Variants in TFF1 observed in about 807,000 individuals in gnomAD.
TFF1 encodes the protein breast cancer estrogen-inducible protein.
TFF1 carries 8 observed loss-of-function variants against 7.7 expected under a neutral mutation model. That is an observed-to-expected ratio of 1.04 (90% CI 0.61 to 1.87). The LOEUF (loss-of-function observed/expected upper bound fraction) is 1.87. Among genes scored for constraint, TFF1 ranks in the 40% most tolerant of loss-of-function variants. The probability of loss-of-function intolerance (pLI) is 0.00; values close to 1 mark genes in which losing one functional copy is unlikely to be tolerated. For synonymous variants in TFF1, 47 were observed against 44.8 expected, an observed-to-expected ratio of 1.05 and a Z score of -0.19; for missense variants, 120 against 113.4, an observed-to-expected ratio of 1.06 and a Z score of -0.26.
In TFF1 at chr21:42,366,424, G is replaced by A. The variant is rs146367440; in HGVS notation, c.72C>T (p.Ala24=). 226 of 1,611,392 alleles carry A rather than the reference G, an allele frequency of 1.4e-4. 5 individuals carry two copies. In the East Asian group the frequency reaches 1.7e-3, roughly 12 times the overall value. Reference sequence around the variant, plus strand: ...AGCACGCCTTACCTGTCTGGGCCTCGGCCAGGGTGCCGAGGGCCAGCATGG... The same window carrying A: ...AGCACGCCTTACCTGTCTGGGCCTCAGCCAGGGTGCCGAGGGCCAGCATGG... ...LVSMLALGTL[A]EAQTETCTVA... is the part of the protein sequence containing the mutation. The change falls in exon 1 of 3, where the codon GCC becomes GCT. Residue 24 remains alanine, a synonymous_variant. Transcript: ENST00000291527.
chr21:42,363,968 A>G (rs576908677), intron 1 of TFF1, among the ~76,000 whole-genome samples: 8 of 152,218 alleles, frequency 5.3e-5, no homozygotes, highest in Admixed American at 3.9e-4. Flanking sequence ...TTAGGCGGGC[A>G]TTGTGGCACA....
chr21:42,363,558 G>A lies in TFF1; in HGVS notation c.86-151C>T, dbSNP rs73370376. The A allele has an allele frequency of 2.3e-3, 2,358 of 1,012,366 alleles. 44 individuals are homozygous for A. The African/African-American group carries it at 0.033, about 14-fold the overall frequency. The allele number at this position is 1,012,366 out of a possible 1,614,324, so 62.7% of individuals were successfully genotyped here. On this transcript the variant is annotated intron_variant, in intron 1 of 2. Coordinates refer to ENST00000291527, the MANE Select transcript of TFF1 (RefSeq NM_003225.3). Reference sequence around the variant, plus strand: ...CCCTCAGGACATGAGAGGGAGACGTGGTCCTCACATCCTGATGTGCAAACA... The same window carrying A: ...CCCTCAGGACATGAGAGGGAGACGTAGTCCTCACATCCTGATGTGCAAACA...
chr21:42,366,273 T>C (rs73370389), intron 1 of TFF1, 138 bp downstream of exon 1: 6,832 of 581,288 alleles, frequency 0.012, 371 homozygotes, highest in African/African-American at 0.11. Context: ...ATCCTGTAAA[T>C]TGGATATACT....
Position 42,366,490 on chromosome 21 carries a change from G to A in TFF1, c.6C>T (p.Ala2=). 6.2e-7 allele frequency: 1 copy of A among 1,611,102 alleles called. No homozygotes were observed. Among genetic ancestry groups the A allele is most frequent in the Non-Finnish European group, 8.5e-7 (1 of 1,177,876 alleles). Residue 2 remains alanine (A), a synonymous_variant, in exon 1 of 3, where the codon GCC becomes GCT. Coordinates refer to ENST00000291527, the MANE Select transcript of TFF1 (RefSeq NM_003225.3). The part of the protein sequence containing the change: M[A]TMENKVICAL... ...CGCAGATCACCTTGTTCTCCATGGTGGCCATTGCCTCCTCTCTGCTCCAAA... is the reference window on the plus strand; with the variant it reads ...CGCAGATCACCTTGTTCTCCATGGTAGCCATTGCCTCCTCTCTGCTCCAAA...
chr21:42,366,245 C>G (rs1026976982), intron 1 of TFF1, among the ~76,000 whole-genome samples, 166 bp downstream of exon 1: 1 of 152,202 alleles, frequency 6.6e-6, no homozygotes, highest in Non-Finnish European at 1.5e-5. Context: ...CTGAGTTACT[C>G]TCCACCTGCT....
chr21:42,363,728 A>G (rs368765189), intron 1 of TFF1, among the ~76,000 whole-genome samples: 11 of 152,264 alleles, frequency 7.2e-5, no homozygotes, highest in South Asian at 2.1e-4. Flanking sequence ...ATTTGTGTGC[A>G]TGAGAAGTGG....
rs766381415 is a variant in TFF1 at position 42,363,300 on chromosome 21, C to G, written c.193G>C (p.Val65Leu). 6.2e-7 allele frequency: 1 copy of G among 1,614,196 alleles called. No individual in the cohort carries two copies. Among genetic ancestry groups the G allele is most frequent in the East Asian group, 2.2e-5 (1 of 44,888 alleles). ...GCCFDDTVRG[V>L]PWCFYPNTID... Reference sequence around the variant, plus strand: ...GTATTAGGATAGAAGCACCAGGGGACCCCACGAACGGTGTCGTCGAAACAG... The same window carrying G: ...GTATTAGGATAGAAGCACCAGGGGAGCCCACGAACGGTGTCGTCGAAACAG... Residue 65 changes from valine (V) to leucine (L), a missense_variant, in exon 2 of 3, where the codon GTC (valine) becomes CTC (leucine). Val to Leu is a conservative substitution (Grantham distance 32, BLOSUM62 1). Coordinates refer to ENST00000291527, the MANE Select transcript of TFF1 (RefSeq NM_003225.3).
intron 1 of TFF1, 149 bp from the exon 2 acceptor site, chr21:42,363,556 G>A (rs766705500): frequency 2.2e-5 from 23 of 1,040,598 alleles, no homozygotes; most frequent in South Asian, 3.6e-5. Context: ...AGAGGGAGAC[G>A]TGGTCCTCAC....
At chr21:42,363,989 C>T (rs1678957224) in intron 1 of TFF1, among the ~76,000 whole-genome samples, 1 of 152,048 alleles carries the variant, frequency 6.6e-6, no homozygotes, top group Admixed American at 6.5e-5. Context: ...CGTCTGTAAT[C>T]CCAGCTACTT....
rs574833697 is a variant in TFF1, at chr21:42,363,421, G to C, written c.86-14C>G. 5.0e-6 allele frequency: 8 copies of C among 1,609,616 alleles called. No individual in the cohort carries two copies. The African/African-American group carries it at 1.1e-4, about 22-fold the overall frequency. ...CTGTACACGTCTCTGAAAGTGCACA[G>C]GTAAGAAGCAAAGTAAGTTGTGGGC... On this transcript the variant is annotated splice_polypyrimidine_tract_variant and intron_variant, in intron 1 of 2. Coordinates refer to ENST00000291527, the MANE Select transcript of TFF1 (RefSeq NM_003225.3).
At chr21:42,364,304 C>A (rs1204140724) in intron 1 of TFF1, among the ~76,000 whole-genome samples, 1 of 152,014 alleles carries the variant, frequency 6.6e-6, no homozygotes, top group Non-Finnish European at 1.5e-5. Flanking sequence ...GAAGATGGAG[C>A]CGCATGGGCA....
chr21:42,363,502 TCAG>T (rs1332705844), intron 1 of TFF1, 95 bp from the exon 2 acceptor site: 2 of 1,437,356 alleles, frequency 1.4e-6, no homozygotes, highest in African/African-American at 2.9e-5. Context: ...TCCAATGACA[TCAG>T]CAACTGTCCA....
At chr21:42,364,275 A>G (rs1344889019) in intron 1 of TFF1, among the ~76,000 whole-genome samples, 1 of 152,164 alleles carries the variant, frequency 6.6e-6, no homozygotes. Flanking sequence ...GGCTCCCTGC[A>G]GGAGGAGGTT....
chr21:42,364,735 G>A lies in TFF1; in HGVS notation c.86-1328C>T, dbSNP rs1016339851. Among the ~76,000 whole-genome samples the A allele has an allele frequency of 7.2e-5, 11 of 152,320 alleles. No homozygotes were observed. In the East Asian group the frequency reaches 7.7e-4, roughly 11 times the overall value. The stretch of plus-strand genomic sequence containing the variant: ...AGGTGAGGGCGCCCCAGGGGAGGCC[G>A]AGAGGGGCTGTTCTCTTGTCTGCTT... On this transcript the variant is annotated intron_variant, in intron 1 of 2. Transcript: ENST00000291527.
At chr21:42,364,821 A>T (rs1007901237) in intron 1 of TFF1, among the ~76,000 whole-genome samples, 11 of 152,152 alleles carry the variant, frequency 7.2e-5, no homozygotes, top group African/African-American at 2.7e-4. Context: ...GCTGGGAAGG[A>T]TCCGTGTTCA....
At chr21:42,366,281 A>G in intron 1 of TFF1, 130 bp downstream of exon 1, 1 of 617,050 alleles carries the variant, frequency 1.6e-6, no homozygotes, top group Non-Finnish European at 2.7e-6. Context: ...AATTGGATAT[A>G]CTTTTAAGGG....
chr21:42,362,556 C>T, intron 2 of TFF1, 61 bp from the exon 3 acceptor site: 1 of 1,508,434 alleles, frequency 6.6e-7, no homozygotes, highest in South Asian at 1.3e-5. Context: ...TTTTCTTTCA[C>T]ATTTAAACAA....
chr21:42,362,744 C>A (rs1004663730), intron 2 of TFF1, among the ~76,000 whole-genome samples: 4 of 151,782 alleles, frequency 2.6e-5, no homozygotes, highest in Non-Finnish European at 5.9e-5. Flanking sequence ...CCCGTCTATA[C>A]TAAAAATACA....
In TFF1 at chr21:42,366,468, A is replaced by G. The variant is rs1182341755; in HGVS notation, c.28T>C (p.Cys10Arg). 1 of 1,612,834 alleles carries G rather than the reference A, an allele frequency of 6.2e-7. No homozygotes were observed. Among genetic ancestry groups the G allele is most frequent in the Non-Finnish European group, 8.5e-7 (1 of 1,179,210 alleles). ...AGCATGGACACCAGGACCAGGGCGC[A>G]GATCACCTTGTTCTCCATGGTGGCC... MATMENKVI[C>R]ALVLVSMLAL... The change falls in exon 1 of 3, where the codon TGC (cysteine) becomes CGC (arginine). Residue 10 changes from cysteine (C) to arginine (R), a missense_variant. Physicochemically the swap from Cys to Arg is radical, Grantham distance 180. Coordinates refer to ENST00000291527, the MANE Select transcript of TFF1 (RefSeq NM_003225.3).
Sources: allele counts gnomAD v4.1 joint callset (sites outside exome capture counted in the v4.1 genomes callset), GRCh38; gene constraint gnomAD v4.1.1; transcripts MANE v1.5; gene names NCBI Gene and HGNC (gene_info 2026-07-23, HGNC 2026-07-21).